The following MALT1 variants were observed in gnomAD, a reference collection of about 807,000 sequenced individuals.
The protein encoded by MALT1 is mucosa-associated lymphoid tissue lymphoma translocation protein 1.
MALT1 carries 36 observed loss-of-function variants against 85.5 expected under a neutral mutation model. The ratio of observed to expected loss-of-function variants is 0.42; its 90% CI spans 0.32 to 0.56. The LOEUF is 0.56. Among genes scored for constraint, MALT1 ranks in the 20% least tolerant of loss-of-function variants. The probability of loss-of-function intolerance (pLI) is 0.10; values close to 1 mark genes in which losing one functional copy is unlikely to be tolerated. For synonymous variants in MALT1, 359 were observed against 361.3 expected (o/e 0.99, Z 0.07); for missense variants, 716 against 981.6 (o/e 0.73, Z 3.62).
intron 4 of MALT1, among the ~76,000 whole-genome samples, chr18:58,702,220 C>CAAAAA (rs11380709): frequency 6.0e-4 from 69 of 114,608 alleles, no homozygotes; most frequent in African/African-American, 1.9e-3. Flanking sequence ...AAAAAAAATG[C>CAAAAA]AAAAAAAAAA....
chr18:58,700,658 T>A, intron 4 of MALT1, 67 bp downstream of exon 4: 1 of 1,363,422 alleles, frequency 7.3e-7, no homozygotes, highest in Non-Finnish European at 9.6e-7. Context: ...TTTAAATGTT[T>A]ACTTTTAAAC....
chr18:58,683,752 C>T (rs528024840), intron 2 of MALT1, among the ~76,000 whole-genome samples: 31 of 152,238 alleles, frequency 2.0e-4, no homozygotes, highest in African/African-American at 7.5e-4. Flanking sequence ...TATCAGTGTT[C>T]CCCAGTGAAG....
At chr18:58,719,395 C>G (rs2054951567) in intron 9 of MALT1, among the ~76,000 whole-genome samples, 1 of 152,120 alleles carries the variant, frequency 6.6e-6, no homozygotes, top group Non-Finnish European at 1.5e-5. Flanking sequence ...CTGTCCTCCC[C>G]TCCTCTTCCC....
chr18:58,676,755 T>G (rs1212799277), intron 1 of MALT1, among the ~76,000 whole-genome samples: 1 of 152,216 alleles, frequency 6.6e-6, no homozygotes, highest in Non-Finnish European at 1.5e-5. Flanking sequence ...GAATGAAAGA[T>G]CCAGGAAGAT....
At chr18:58,711,368 T>G (rs979652890) in intron 7 of MALT1, among the ~76,000 whole-genome samples, 1 of 152,224 alleles carries the variant, frequency 6.6e-6, no homozygotes, top group Admixed American at 6.5e-5. Context: ...TCAAATGAAA[T>G]TTAGTTTTTA....
At chr18:58,694,719 AG>A (rs1395733113) in intron 2 of MALT1, among the ~76,000 whole-genome samples, 3 of 152,224 alleles carry the variant, frequency 2.0e-5, no homozygotes, top group Non-Finnish European at 4.4e-5. Context: ...TGAGGCTAGT[AG>A]TCCAGAAGTG....
At chr18:58,709,931 T>C in intron 5 of MALT1, 45 bp from the exon 6 acceptor site, 2 of 1,237,638 alleles carry the variant, frequency 1.6e-6, no homozygotes, top group Non-Finnish European at 2.3e-6. Flanking sequence ...CTCCAAGCCA[T>C]TAAAATAGAA....
chr18:58,684,056 C>G (rs750239781), intron 2 of MALT1, among the ~76,000 whole-genome samples: 30 of 152,270 alleles, frequency 2.0e-4, no homozygotes, highest in Non-Finnish European at 4.1e-4. Context: ...CCTCAGCCTC[C>G]TGAGTAGCTG....
intron 2 of MALT1, among the ~76,000 whole-genome samples, chr18:58,688,510 G>A (rs1203566325): frequency 1.5e-5 from 2 of 132,042 alleles, no homozygotes; most frequent in Admixed American, 8.4e-5. Context: ...GGCCAACCTG[G>A]GCAACATAAT....
intron 1 of MALT1, chr18:58,674,065 A>C (rs1485302966): frequency 1.3e-5 from 2 of 152,060 alleles, no homozygotes; most frequent in African/African-American, 4.8e-5. Flanking sequence ...GCTAACGAGT[A>C]CTCTGGTTAG....
At chr18:58,681,120 G>A in intron 1 of MALT1, 50 bp from the exon 2 acceptor site, 1 of 1,567,338 alleles carries the variant, frequency 6.4e-7, no homozygotes, top group South Asian at 1.1e-5. Flanking sequence ...TATAGCAGGT[G>A]TATCATGTGG....
intron 4 of MALT1, among the ~76,000 whole-genome samples, chr18:58,701,120 C>T (rs1335919528): frequency 3.4e-5 from 5 of 145,442 alleles, no homozygotes; most frequent in African/African-American, 7.3e-5. Context: ...TGTGTGTGTG[C>T]GCGCACGTTC....
chr18:58,685,202 A>G (rs1236604329), intron 2 of MALT1, among the ~76,000 whole-genome samples: 1 of 152,204 alleles, frequency 6.6e-6, no homozygotes, highest in Non-Finnish European at 1.5e-5. Flanking sequence ...TCATAGGAGG[A>G]CATTACTTCT....
In MALT1 at chr18:58,749,489, G is replaced by A. The variant is rs1247261815; in HGVS notation, c.*1647G>A. ...CCACCCTCCAGTCATTTCTCTATGA[G>A]ACTGAAGCAGGAAGGCAGAGCATCA... On this transcript the variant is annotated 3_prime_UTR_variant, in exon 17 of 17. Coordinates refer to ENST00000649217, the MANE Select transcript of MALT1 (RefSeq NM_006785.4). 2 of 215,734 alleles carry A rather than the reference G, an allele frequency of 9.3e-6. No individual in the cohort carries two copies. Among genetic ancestry groups the A allele is most frequent in the African/African-American group, 4.5e-5 (2 of 44,370 alleles). The allele number at this position is 215,734 out of a possible 1,614,324, so 13.4% of individuals were successfully genotyped here.
In MALT1 at chr18:58,723,242, G is replaced by A. The variant is rs755316936; in HGVS notation, c.1213G>A (p.Gly405Arg). The stretch of plus-strand genomic sequence containing the variant: ...TGAGTTTTTACTCCTTTTAGACAAG[G>A]GAGTATATGGTAAGATATTTATAAT... Reference protein sequence around the residue: ...VDEFLLLLDKGVYGLLYYAGH... With the variant: ...VDEFLLLLDKRVYGLLYYAGH... The change falls in exon 10 of 17, where the codon GGA becomes AGA. Residue 405 changes from glycine to arginine, a missense_variant. Coordinates refer to ENST00000649217, the MANE Select transcript of MALT1 (RefSeq NM_006785.4). 6.2e-7 allele frequency: 1 copy of A among 1,602,660 alleles called. No individual in the cohort carries two copies. The highest frequency in any genetic ancestry group is 8.5e-7 in the Non-Finnish European group (1 of 1,170,378).
At chr18:58,746,936 C>T (rs543227622) in intron 16 of MALT1, among the ~76,000 whole-genome samples, 1 of 152,288 alleles carries the variant, frequency 6.6e-6, no homozygotes, top group Non-Finnish European at 1.5e-5. Flanking sequence ...CCACGTTGGC[C>T]AGACTGGTCT....
chr18:58,704,778 A>G (rs1277489167), intron 4 of MALT1, among the ~76,000 whole-genome samples: 1 of 148,594 alleles, frequency 6.7e-6, no homozygotes, highest in Non-Finnish European at 1.5e-5. Flanking sequence ...GCTTTTTTGT[A>G]TAGTATATGT....
At chr18:58,675,346 A>C (rs377119211) in intron 1 of MALT1, 2 of 152,288 alleles carry the variant, frequency 1.3e-5, no homozygotes, top group South Asian at 2.1e-4. Context: ...TTTTAGCTGC[A>C]GAAATCCTGC....
rs4293480 is a variant in MALT1 at position 58,709,768 on chromosome 18, A to G, written c.829-208A>G. Among the ~76,000 whole-genome samples, 18,199 of 152,206 alleles carry G rather than the reference A, an allele frequency of 0.12. 1,682 individuals carry two copies. The highest frequency in any genetic ancestry group is 0.26 in the African/African-American group (10,882 of 41,492). On this transcript the variant is annotated intron_variant, in intron 5 of 16. Coordinates refer to ENST00000649217, the MANE Select transcript of MALT1 (RefSeq NM_006785.4). The stretch of plus-strand genomic sequence containing the variant: ...ACTCAGGCTTATATGTAAAATGTCA[A>G]ATAGTATTGCATGAAACTCAGCACT...
Sources: allele counts gnomAD v4.1 joint callset (sites outside exome capture counted in the v4.1 genomes callset), GRCh38; gene constraint gnomAD v4.1.1; transcripts MANE v1.5; gene names NCBI Gene and HGNC (gene_info 2026-07-23, HGNC 2026-07-21).